CSN3: variants seen among roughly 807,000 people sequenced by gnomAD.
CSN3 encodes the protein kappa-casein.
CSN3 carries 7 observed loss-of-function variants against 9.9 expected under a neutral mutation model. The observed-to-expected ratio is 0.71, with a 90% confidence interval of 0.40 to 1.33. The LOEUF (loss-of-function observed/expected upper bound fraction) is 1.33, where lower values mean the gene tolerates loss of function less well. CSN3 is among the 40% of genes most tolerant of loss of function. The pLI is 0.01. For missense variants in CSN3, 253 were observed against 227.9 expected (o/e 1.11, Z -0.71); for synonymous variants, 88 against 82.3 (o/e 1.07, Z -0.37).
At chr4:70,250,277 G>T (rs1160941172) in intron 4 of CSN3, among the ~76,000 whole-genome samples, 1 of 150,892 alleles carries the variant, frequency 6.6e-6, no homozygotes, top group African/African-American at 2.4e-5. Flanking sequence ...GTTGCAAAAT[G>T]TGGAGTTTCT....
intron 2 of CSN3, among the ~76,000 whole-genome samples, chr4:70,246,005 G>A (rs914069803): frequency 7.9e-5 from 12 of 151,840 alleles, no homozygotes; most frequent in South Asian, 2.1e-4. Flanking sequence ...AGCCGGATTC[G>A]TCTTTCAAAC....
At chr4:70,239,753 A>G (rs1730235446), upstream of CSN3, among the ~76,000 whole-genome samples, 1 of 151,964 alleles carries the variant, frequency 6.6e-6, no homozygotes, top group East Asian at 1.9e-4. Flanking sequence ...AACAGTTTGT[A>G]TGTGTATTGT....
At chr4:70,250,236 T>C (rs1730455987) in intron 4 of CSN3, among the ~76,000 whole-genome samples, 1 of 152,178 alleles carries the variant, frequency 6.6e-6, no homozygotes, top group Non-Finnish European at 1.5e-5. Flanking sequence ...GTGGAAAATA[T>C]CCAAAGAGTG....
intron 4 of CSN3, among the ~76,000 whole-genome samples, chr4:70,250,749 A>G (rs1730468072): frequency 6.6e-6 from 1 of 152,160 alleles, no homozygotes; most frequent in South Asian, 2.1e-4. Flanking sequence ...AGGCAAACCA[A>G]ACCTGTTTAA....
chr4:70,243,572 C>T (rs1730313505), intron 1 of CSN3, among the ~76,000 whole-genome samples: 1 of 152,012 alleles, frequency 6.6e-6, no homozygotes, highest in Non-Finnish European at 1.5e-5. Flanking sequence ...CTATCTGAGG[C>T]TTTAATTCTG....
intron 4 of CSN3, among the ~76,000 whole-genome samples, 155 bp downstream of exon 4, chr4:70,249,648 G>A (rs1239477191): frequency 6.6e-6 from 1 of 152,120 alleles, no homozygotes; most frequent in Non-Finnish European, 1.5e-5. Context: ...TAAACCCATA[G>A]CATTGATACA....
At chr4:70,241,736 T>A (rs201277216), upstream of CSN3, among the ~76,000 whole-genome samples, 1 of 8,234 alleles carries the variant, frequency 1.2e-4, no homozygotes, top group Admixed American at 1.0e-3. Context: ...AATTTAATAA[T>A]TTTTTTTTCA....
In CSN3 at chr4:70,249,423, GAC is replaced by G. The variant is rs765976654; in HGVS notation, c.515_516del (p.Thr172AsnfsTer26). ...AGTCCATCATCACGAGCACCCCTGA[GAC>G]AACCACAGTTGCAGTTACTCCACCT... On this transcript the variant is annotated frameshift_variant, in exon 4 of 5. Coordinates refer to ENST00000304954, the Ensembl canonical transcript of CSN3. LOFTEE classifies it low-confidence loss of function (END_TRUNC). The G allele has an allele frequency of 1.9e-6, 3 of 1,613,818 alleles. No homozygotes were observed. The highest frequency in any genetic ancestry group is 2.5e-6 in the Non-Finnish European group (3 of 1,179,946).
chr4:70,250,587 C>T (rs1730463431), intron 4 of CSN3, among the ~76,000 whole-genome samples: 1 of 152,120 alleles, frequency 6.6e-6, no homozygotes, highest in African/African-American at 2.4e-5. Context: ...TCCTAAGTCT[C>T]CACTAAATGA....
upstream of CSN3, among the ~76,000 whole-genome samples, chr4:70,239,545 A>G (rs939381614): frequency 6.6e-6 from 1 of 151,958 alleles, no homozygotes; most frequent in African/African-American, 2.4e-5. Flanking sequence ...TTACTGAGGA[A>G]TAAATTAATG....
At chr4:70,239,194 T>C (rs946114149), upstream of CSN3, among the ~76,000 whole-genome samples, 1 of 151,302 alleles carries the variant, frequency 6.6e-6, no homozygotes, top group Non-Finnish European at 1.5e-5. Context: ...AAATGGAAAT[T>C]AAGAGCAGCT....
At position 70,244,752 on chromosome 4, in the gene CSN3, A is replaced by C. The variant is rs1051676556; in HGVS notation, c.-8-60A>C. On this transcript the variant is annotated intron_variant, in intron 1 of 4. Transcript: ENST00000304954. Reference sequence around the variant, plus strand: ...ATCAAGGAAACATTGTATTCAAGTCACTCCTAAATTTCTAGTAACAAATTC... The same window carrying C: ...ATCAAGGAAACATTGTATTCAAGTCCCTCCTAAATTTCTAGTAACAAATTC... 51 of 923,880 alleles carry C rather than the reference A, an allele frequency of 5.5e-5. No homozygotes were observed. The African/African-American group carries it at 8.1e-4, about 15-fold the overall frequency. 57.2% of individuals were successfully genotyped at this position (923,880 alleles called of 1,614,324 possible).
intron 2 of CSN3, among the ~76,000 whole-genome samples, chr4:70,246,471 C>T (rs905130276): frequency 1.3e-5 from 2 of 151,886 alleles, no homozygotes; most frequent in Non-Finnish European, 2.9e-5. Flanking sequence ...TCATTGATCA[C>T]TTAGTTATCA....
chr4:70,249,098 A>T lies in CSN3; in HGVS notation c.188A>T (p.Tyr63Phe), dbSNP rs760344716. ...TATCCTTATTATGGAACCAATTTGT[A>T]CCAACGTAGACCAGCTATAGCAATT... The change falls in exon 4 of 5, where the codon TAC becomes TTC. Residue 63 changes from tyrosine (Y) to phenylalanine (F), a missense_variant. Physicochemically the swap from Tyr to Phe is conservative, Grantham distance 22. Coordinates refer to ENST00000304954, the Ensembl canonical transcript of CSN3. 6.2e-7 allele frequency: 1 copy of T among 1,613,976 alleles called. No individual in the cohort carries two copies. Among genetic ancestry groups the T allele is most frequent in the Non-Finnish European group, 8.5e-7 (1 of 1,179,918 alleles).
At position 70,250,863 on chromosome 4, in the gene CSN3, A is replaced by G. The variant is rs187210239; in HGVS notation, c.*35-399A>G. On this transcript the variant is annotated intron_variant, in intron 4 of 4. Transcript: ENST00000304954. ...CACTGTGATTTCCTTAGACTAGCATATGGGTAAATTGTGTTGTTTAGTTGC... is the reference window on the plus strand; with the variant it reads ...CACTGTGATTTCCTTAGACTAGCATGTGGGTAAATTGTGTTGTTTAGTTGC... Among the ~76,000 whole-genome samples, 332 of 152,308 alleles carry G rather than the reference A, an allele frequency of 2.2e-3. 2 individuals are homozygous for G. Among genetic ancestry groups the G allele is most frequent in the African/African-American group, 7.5e-3 (311 of 41,588 alleles).
chr4:70,250,158 A>G (rs190478601), intron 4 of CSN3, among the ~76,000 whole-genome samples: 1 of 152,358 alleles, frequency 6.6e-6, no homozygotes, highest in Non-Finnish European at 1.5e-5. Context: ...GGACCAATGG[A>G]TAATGGCAGA....
chr4:70,243,362 A>C (rs1046677293), intron 1 of CSN3, among the ~76,000 whole-genome samples: 4 of 152,238 alleles, frequency 2.6e-5, no homozygotes, highest in Non-Finnish European at 5.9e-5. Flanking sequence ...CTAGCAAGTG[A>C]AGCATTAATA....
upstream of CSN3, among the ~76,000 whole-genome samples, chr4:70,238,837 G>A (rs772250437): frequency 1.3e-5 from 2 of 151,736 alleles, no homozygotes; most frequent in Non-Finnish European, 2.9e-5. Flanking sequence ...TGGCCCCTGA[G>A]CCACTAGTAG....
intron 2 of CSN3, among the ~76,000 whole-genome samples, chr4:70,245,770 A>G (rs1730365580): frequency 6.6e-6 from 1 of 152,130 alleles, no homozygotes; most frequent in African/African-American, 2.4e-5. Flanking sequence ...AATTAATTCT[A>G]TTACCTGCAT....
Sources: allele counts gnomAD v4.1 joint callset (sites outside exome capture counted in the v4.1 genomes callset), GRCh38; gene constraint gnomAD v4.1.1; transcripts MANE v1.5; gene names NCBI Gene and HGNC (gene_info 2026-07-23, HGNC 2026-07-21).